Variants in WDFY4 observed in about 807,000 individuals in gnomAD.
WDFY4 encodes the protein WD repeat- and FYVE domain-containing protein 4.
A neutral mutation model predicts 351.9 loss-of-function variants in WDFY4; 169 were observed. That is an observed-to-expected ratio of 0.48 (90% confidence interval 0.42 to 0.55). The LOEUF (loss-of-function observed/expected upper bound fraction) is 0.55, where lower values mean the gene tolerates loss of function less well. WDFY4 is among the 20% of genes least tolerant of loss of function. The pLI is 0.00. For synonymous variants in WDFY4, 1,622 were observed against 1,574.6 expected (o/e 1.03, Z -0.71); for missense variants, 3,803 against 3,935.6 (o/e 0.97, Z 0.90).
chr10:48,787,890 TCTCC>T (rs2066493354), intron 20 of WDFY4, among the ~76,000 whole-genome samples: 1 of 72,778 alleles, frequency 1.4e-5, no homozygotes, highest in African/African-American at 9.8e-5. Context: ...TTCTTCTTCT[TCTCC>T]TTCTTCTTCT....
intron 38 of WDFY4, among the ~76,000 whole-genome samples, chr10:48,831,261 C>T (rs1261590726): frequency 6.6e-6 from 1 of 152,216 alleles, no homozygotes; most frequent in African/African-American, 2.4e-5. Context: ...TTAGGTTCCT[C>T]ATGTCCTGTC....
intron 30 of WDFY4, among the ~76,000 whole-genome samples, chr10:48,813,151 T>C (rs956945053): frequency 9.2e-5 from 14 of 152,174 alleles, no homozygotes; most frequent in African/African-American, 3.1e-4. Context: ...AAACTATTTC[T>C]TGGTCTCAAT....
chr10:48,705,260 C>A (rs2063595803), intron 1 of WDFY4, among the ~76,000 whole-genome samples: 1 of 152,188 alleles, frequency 6.6e-6, no homozygotes, highest in African/African-American at 2.4e-5. Flanking sequence ...AAATTTTGTT[C>A]ATCATGGATT....
At chr10:48,706,917 T>G (rs187698179) in intron 1 of WDFY4, among the ~76,000 whole-genome samples, 1 of 152,172 alleles carries the variant, frequency 6.6e-6, no homozygotes, top group African/African-American at 2.4e-5. Context: ...AATAAAGGCA[T>G]TGAGGATCTT....
chr10:48,852,320 C>T (rs1217350953), intron 39 of WDFY4, among the ~76,000 whole-genome samples: 3 of 152,240 alleles, frequency 2.0e-5, no homozygotes, highest in Non-Finnish European at 4.4e-5. Context: ...CTTATCCTCA[C>T]TTGGCCTCGA....
intron 39 of WDFY4, among the ~76,000 whole-genome samples, chr10:48,858,562 T>C (rs1398112189): frequency 6.6e-6 from 1 of 152,226 alleles, no homozygotes; most frequent in Non-Finnish European, 1.5e-5. Context: ...CTGATCTATA[T>C]GTCTATTCCT....
chr10:48,890,433 T>C, intron 43 of WDFY4, 146 bp from the exon 44 acceptor site: 2 of 999,386 alleles, frequency 2.0e-6, no homozygotes, highest in Middle Eastern at 3.1e-4. Flanking sequence ...AGTACAGTCC[T>C]GGGACAGCGG....
At chr10:48,814,144 G>A in intron 31 of WDFY4, 62 bp downstream of exon 31, 2 of 1,453,814 alleles carry the variant, frequency 1.4e-6, no homozygotes, top group Non-Finnish European at 1.8e-6. Context: ...AGTTTGGAAG[G>A]GTCACCTTGA....
chr10:48,710,385 T>C (rs1020966816), intron 2 of WDFY4, among the ~76,000 whole-genome samples: 3 of 152,142 alleles, frequency 2.0e-5, no homozygotes, highest in Admixed American at 1.3e-4. Context: ...ACCATTACCT[T>C]AGAGATTAAA....
At chr10:48,695,554 T>A (rs1417052867) in intron 1 of WDFY4, among the ~76,000 whole-genome samples, 1 of 152,258 alleles carries the variant, frequency 6.6e-6, no homozygotes, top group Non-Finnish European at 1.5e-5. Context: ...TAGTAATGCC[T>A]ACCTTACAGG....
At chr10:48,785,008 C>A (rs1271760191) in intron 19 of WDFY4, among the ~76,000 whole-genome samples, 2 of 151,700 alleles carry the variant, frequency 1.3e-5, no homozygotes, top group Non-Finnish European at 2.9e-5. Context: ...CAGGCACCCA[C>A]CACCATGCCT....
chr10:48,716,874 C>A (rs79334727), intron 2 of WDFY4, among the ~76,000 whole-genome samples: 5,410 of 152,294 alleles, frequency 0.036, 130 homozygotes, highest in Non-Finnish European at 0.058. Flanking sequence ...GGAGGGAAAT[C>A]ATCTCGCCAC....
chr10:48,943,237 C>T, intron 48 of WDFY4, 93 bp from the exon 49 acceptor site: 2 of 1,457,510 alleles, frequency 1.4e-6, no homozygotes, highest in Non-Finnish European at 9.2e-7. Context: ...CCCACAGAGC[C>T]AGGGCCTGCT....
intron 17 of WDFY4, among the ~76,000 whole-genome samples, chr10:48,777,929 T>G (rs781068429): frequency 3.9e-5 from 6 of 152,358 alleles, no homozygotes; most frequent in Non-Finnish European, 7.3e-5. Context: ...TGGTGACTGA[T>G]GTAGGCTGAG....
intron 52 of WDFY4, among the ~76,000 whole-genome samples, chr10:48,958,645 A>C (rs1841720280): frequency 6.6e-6 from 1 of 152,124 alleles, no homozygotes; most frequent in South Asian, 2.1e-4. Context: ...GTCTCCTGGG[A>C]TGGCATGTCC....
rs1024542093 is a variant in WDFY4 at position 48,817,207 on chromosome 10, A to T, written c.5341-38A>T. 3 of 1,545,292 alleles carry T rather than the reference A, an allele frequency of 1.9e-6. 1 individual carries two copies. Among genetic ancestry groups the T allele is most frequent in the South Asian group, 2.4e-5 (2 of 83,946 alleles). ...TCTGGTTAGGGAGGCAGCGCCCATCATGCTGCCCTGCACTACCTCTCACCA... is the reference window on the plus strand; with the variant it reads ...TCTGGTTAGGGAGGCAGCGCCCATCTTGCTGCCCTGCACTACCTCTCACCA... On this transcript the variant is annotated intron_variant, in intron 31 of 61. Coordinates refer to ENST00000325239, the MANE Select transcript of WDFY4 (RefSeq NM_001394531.1).
chr10:48,724,792 A>G (rs182264095), intron 5 of WDFY4, among the ~76,000 whole-genome samples: 2 of 152,314 alleles, frequency 1.3e-5, no homozygotes, highest in East Asian at 1.9e-4. Flanking sequence ...CAAGGGGAAA[A>G]CAATCCAGGA....
Position 48,796,330 on chromosome 10 carries a change from T to C in WDFY4, c.4290T>C (p.Ser1430=). Residue 1430 remains serine, a synonymous_variant, in exon 24 of 62, where the codon TCT becomes TCC. Transcript: ENST00000325239. ...IMAFLLRKKA[S]LLNHRIFQLI... is the part of the protein sequence containing the mutation. ...CGTTTCTCCTGAGGAAGAAGGCCTC[T>C]CTCCTGAACCATCGAATTTTTCAGC... 2 of 1,552,080 alleles carry C rather than the reference T, an allele frequency of 1.3e-6. No homozygotes were observed. Among genetic ancestry groups the C allele is most frequent in the Non-Finnish European group, 1.7e-6 (2 of 1,147,000 alleles).
At chr10:48,767,367 T>C (rs2065706188) in intron 13 of WDFY4, among the ~76,000 whole-genome samples, 1 of 152,238 alleles carries the variant, frequency 6.6e-6, no homozygotes, top group Non-Finnish European at 1.5e-5. Flanking sequence ...ACAGTCTGTG[T>C]TCTGGGTCGT....
Sources: gnomAD v4.1 joint callset for allele counts (sites outside exome capture counted in the v4.1 genomes callset) on GRCh38, gnomAD v4.1.1 for gene constraint, MANE v1.5 for transcripts, NCBI Gene and HGNC (gene_info 2026-07-23, HGNC 2026-07-21) for gene names.